Variants in PSD4 observed in about 807,000 individuals in gnomAD.
PSD4 encodes pleckstrin and Sec7 domain containing 4.
Under a neutral mutation model 112.5 loss-of-function variants are expected in PSD4, and 59 were observed. The ratio of observed to expected loss-of-function variants is 0.52; its 90% CI spans 0.43 to 0.65. The LOEUF is 0.65. Among genes scored for constraint, PSD4 ranks in the 30% least tolerant of loss-of-function variants. The pLI, the probability that PSD4 is intolerant of heterozygous loss-of-function variation, is 0.00. For synonymous variants in PSD4, 533 were observed against 540.0 expected (o/e 0.99, Z 0.18); for missense variants, 1,267 against 1,352.6 (o/e 0.94, Z 0.99).
At chr2:113,189,036 G>A (rs1010349586) in intron 5 of PSD4, among the ~76,000 whole-genome samples, 4 of 152,144 alleles carry the variant, frequency 2.6e-5, no homozygotes, top group African/African-American at 9.7e-5. Context: ...CACCCTATTT[G>A]TAGTCTTTTA....
Position 113,182,766 on chromosome 2 carries a change from G to T in PSD4, c.310G>T (p.Ala104Ser), listed in dbSNP as rs1242021965. 6.3e-7 allele frequency: 1 copy of T among 1,593,850 alleles called. No homozygotes were observed. The highest frequency in any genetic ancestry group is 1.3e-5 in the African/African-American group (1 of 74,538). Residue 104 changes from alanine (A) to serine (S), a missense_variant, in exon 2 of 17, where the codon GCT (alanine) becomes TCT (serine). By Grantham distance (99) the Ala-to-Ser change is moderately conservative (BLOSUM62 1). Around this residue, in one of 2 missense-constraint regions of PSD4, gnomAD observed 723 missense variants for 704.0 expected, o/e 1.03. Transcript: ENST00000245796. ...CCCTCCTGAATCTACCAGACAAGATGCTCCTCCCTGGGGCTCCGGTGTGGA... is the reference window on the plus strand; with the variant it reads ...CCCTCCTGAATCTACCAGACAAGATTCTCCTCCCTGGGGCTCCGGTGTGGA... ...TDPPESTRQD[A>S]PPWGSGVELT...
At chr2:113,195,664 CAAAG>C in intron 10 of PSD4, 59 bp from the exon 11 acceptor site, 1 of 1,596,732 alleles carries the variant, frequency 6.3e-7, no homozygotes, top group Non-Finnish European at 8.6e-7. Context: ...CTCTGCCAGA[CAAAG>C]AGACTTTAGG....
Position 113,206,111 on chromosome 2 carries a change from T to C in PSD4, c.*4696T>C, listed in dbSNP as rs530785497. On this transcript the variant is annotated 3_prime_UTR_variant, in exon 17 of 17. Transcript: ENST00000245796. ...CTCTCCTTCATGGGCCCACTGGGGCTCTTTGAGCCTATTCTCTACCCCCTT... is the reference window on the plus strand; with the variant it reads ...CTCTCCTTCATGGGCCCACTGGGGCCCTTTGAGCCTATTCTCTACCCCCTT... 6.6e-6 allele frequency: 1 copy of C among 152,502 alleles called. No individual in the cohort carries two copies. Among genetic ancestry groups the C allele is most frequent in the South Asian group, 2.1e-4 (1 of 4,828 alleles). The allele number at this position is 152,502 out of a possible 1,614,324, so 9.4% of individuals were successfully genotyped here.
chr2:113,188,997 TGCA>T (rs1421763056), intron 5 of PSD4, among the ~76,000 whole-genome samples: 1 of 152,248 alleles, frequency 6.6e-6, no homozygotes, highest in Non-Finnish European at 1.5e-5. Flanking sequence ...GAGGTTTTGG[TGCA>T]CCCATCACCA....
intron 1 of PSD4, among the ~76,000 whole-genome samples, chr2:113,181,218 ACT>A (rs975462132): frequency 7.4e-6 from 1 of 134,644 alleles, no homozygotes; most frequent in African/African-American, 2.9e-5. Flanking sequence ...ACAGAGCGAG[ACT>A]CTGTCTCAAA....
chr2:113,176,808 C>A (rs1328300137), intron 1 of PSD4, among the ~76,000 whole-genome samples: 5 of 152,208 alleles, frequency 3.3e-5, no homozygotes, highest in Non-Finnish European at 7.3e-5. Context: ...AGTTTCTGGC[C>A]TGCCTCTGCC....
At chr2:113,178,237 G>C (rs1398568635) in intron 1 of PSD4, among the ~76,000 whole-genome samples, 1 of 151,956 alleles carries the variant, frequency 6.6e-6, no homozygotes, top group East Asian at 1.9e-4. Context: ...GTCGCAGCCA[G>C]TCAAACTACA....
Position 113,192,401 on chromosome 2 carries a change from G to T in PSD4, c.1650G>T (p.Met550Ile), listed in dbSNP as rs776684361. Residue 550 changes from methionine (M) to isoleucine (I), a missense_variant, in exon 6 of 17, where the codon ATG becomes ATT. Physicochemically the swap from Met to Ile is conservative, Grantham distance 10. This residue lies in a region of PSD4 where 723 missense variants were observed against 704.0 expected (regional missense o/e 1.03). Coordinates refer to ENST00000245796, the MANE Select transcript of PSD4 (RefSeq NM_012455.3). The stretch of plus-strand genomic sequence containing the variant: ...CAAGTGAGAATCTGAGGACACCGAT[G>T]AACTCTTCTTGGCTTCCTGGGAGCC... ...SAEHENLRTP[M>I]NSSWLPGSPM... 15 of 1,614,170 alleles carry T rather than the reference G, an allele frequency of 9.3e-6. No individual in the cohort carries two copies. The highest frequency in any genetic ancestry group is 1.1e-5 in the Non-Finnish European group (13 of 1,180,020).
At chr2:113,190,176 G>A (rs45493999) in intron 5 of PSD4, among the ~76,000 whole-genome samples, 4,107 of 152,208 alleles carry the variant, frequency 0.027, 82 homozygotes, top group Non-Finnish European at 0.043. Flanking sequence ...AATACATCTC[G>A]AGTTGTTTTT....
Position 113,206,938 on chromosome 2 carries a change from G to T in PSD4, c.*5523G>T, listed in dbSNP as rs998562076. 2.6e-5 allele frequency: 4 copies of T among 152,266 alleles called. No homozygotes were observed. Among genetic ancestry groups the T allele is most frequent in the African/African-American group, 9.6e-5 (4 of 41,554 alleles). The allele number at this position is 152,266 out of a possible 1,614,324, so 9.4% of individuals were successfully genotyped here. Reference sequence around the variant, plus strand: ...CCAATAGCTGAATAATCTGTATCCAGGTCAGGTGAGGCTTCATCTCGGGCT... The same window carrying T: ...CCAATAGCTGAATAATCTGTATCCATGTCAGGTGAGGCTTCATCTCGGGCT... On this transcript the variant is annotated 3_prime_UTR_variant, in exon 17 of 17. Transcript: ENST00000245796.
At chr2:113,195,824 A>G (rs923693) in intron 11 of PSD4, 54 bp downstream of exon 11, 1,609,800 of 1,610,784 alleles carry the variant, frequency 1, 804,419 homozygotes, top group Middle Eastern at 1. Flanking sequence ...CTGTCTTTGG[A>G]CTGTCCTCCC....
In PSD4 at chr2:113,198,248, CCTT is replaced by C. The variant is rs556709439; in HGVS notation, c.2624+338_2624+340del. 1.5e-3 allele frequency: 469 copies of C among 309,640 alleles called. 1 individual carries two copies. Among genetic ancestry groups the C allele is most frequent in the Non-Finnish European group, 2.3e-3 (391 of 169,430 alleles). The allele number at this position is 309,640 out of a possible 1,614,324, so 19.2% of individuals were successfully genotyped here. On this transcript the variant is annotated intron_variant, in intron 14 of 16. Coordinates refer to ENST00000245796, the MANE Select transcript of PSD4 (RefSeq NM_012455.3). Reference sequence around the variant, plus strand: ...CTGGCATTTGTTATGAAATCTGTCACCTTCTCAGATTGTCCTCTTTATTTTTTA... The same window carrying C: ...CTGGCATTTGTTATGAAATCTGTCACCTCAGATTGTCCTCTTTATTTTTTA...
At chr2:113,195,527 T>C (rs1483211640) in intron 10 of PSD4, among the ~76,000 whole-genome samples, 200 bp from the exon 11 acceptor site, 2 of 147,642 alleles carry the variant, frequency 1.4e-5, no homozygotes, top group East Asian at 4.0e-4. Context: ...AGAAATACTT[T>C]GTTGCACGGA....
In PSD4 at chr2:113,195,768, C is replaced by T; in HGVS notation, c.2223C>T (p.Ala741=). 6.2e-6 allele frequency: 10 copies of T among 1,614,110 alleles called. No homozygotes were observed. Among genetic ancestry groups the T allele is most frequent in the East Asian group, 2.2e-5 (1 of 44,868 alleles). The change falls in exon 11 of 17, where the codon GCC becomes GCT. Residue 741 remains alanine, a splice_region_variant and synonymous_variant. Transcript: ENST00000245796. ...WSIRSEKLEW[A]VDEEDTARPE... ...TCCGCAGCGAGAAGCTCGAGTGGGC[C>T]GTGTGAGTGAGACTCCCTTTCCCCT...
At chr2:113,196,054 A>C in intron 11 of PSD4, 93 bp from the exon 12 acceptor site, 4 of 1,474,870 alleles carry the variant, frequency 2.7e-6, no homozygotes, top group Non-Finnish European at 2.8e-6. Context: ...GCTTCCCAGG[A>C]AAAGAGAGGT....
chr2:113,198,949 T>C, intron 15 of PSD4, 65 bp downstream of exon 15: 1 of 1,534,242 alleles, frequency 6.5e-7, no homozygotes, highest in Non-Finnish European at 8.7e-7. Flanking sequence ...GCCCCAGGAC[T>C]AACTCGGGGA....
Position 113,182,993 on chromosome 2 carries a change from G to C in PSD4, c.537G>C (p.Gly179=), listed in dbSNP as rs1688190618. The change falls in exon 2 of 17, where the codon GGG becomes GGC. Residue 179 remains glycine (G), a synonymous_variant. Transcript: ENST00000245796. ...DLEEELEKTE[G]LKAGLKCCLP... ...AGGAGGAGCTGGAGAAGACGGAAGGGCTCAAGGCTGGGCTGAAATGCTGTC... is the reference window on the plus strand; with the variant it reads ...AGGAGGAGCTGGAGAAGACGGAAGGCCTCAAGGCTGGGCTGAAATGCTGTC... 6.2e-7 allele frequency: 1 copy of C among 1,614,056 alleles called. No individual in the cohort carries two copies. Among genetic ancestry groups the C allele is most frequent in the African/African-American group, 1.3e-5 (1 of 74,938 alleles).
At chr2:113,191,281 C>CT (rs45558837) in intron 5 of PSD4, among the ~76,000 whole-genome samples, 4,332 of 152,138 alleles carry the variant, frequency 0.028, 236 homozygotes, top group East Asian at 0.23. Context: ...GGATTGTTTT[C>CT]TTTTTTTTCT....
At chr2:113,188,662 A>G (rs191588014) in intron 5 of PSD4, among the ~76,000 whole-genome samples, 12 of 149,104 alleles carry the variant, frequency 8.0e-5, no homozygotes, top group South Asian at 2.1e-4. Context: ...CTCACTGCAA[A>G]CTCTGCCTCC....
Sources: gnomAD v4.1 joint callset for allele counts (sites outside exome capture counted in the v4.1 genomes callset) on GRCh38, gnomAD v4.1.1 for gene constraint, gnomAD v4.1.1 regional missense constraint, MANE v1.5 for transcripts, NCBI Gene and HGNC (gene_info 2026-07-23, HGNC 2026-07-21) for gene names.